Variants in SORCS3 observed in about 807,000 individuals in gnomAD.
SORCS3 encodes the protein sortilin related VPS10 domain containing receptor 3, also known as VPS10 domain-containing receptor SorCS3.
Under a neutral mutation model 146.3 loss-of-function variants are expected in SORCS3, and 57 were observed. That is an observed-to-expected ratio of 0.39 (90% confidence interval 0.31 to 0.49). SORCS3 has a LOEUF of 0.49. SORCS3 is among the 20% of genes least tolerant of loss of function. The pLI is 0.92. For synonymous variants in SORCS3, 653 were observed against 618.5 expected (o/e 1.06, Z -0.83); for missense variants, 1,341 against 1,575.5 (o/e 0.85, Z 2.52).
chr10:105,064,808 C>T (rs2055511862), intron 5 of SORCS3, among the ~76,000 whole-genome samples: 1 of 150,902 alleles, frequency 6.6e-6, no homozygotes, highest in Non-Finnish European at 1.5e-5. Flanking sequence ...TGAGTGATGC[C>T]TGCCCATAGT....
intron 1 of SORCS3, among the ~76,000 whole-genome samples, chr10:104,752,161 A>G (rs2016995980): frequency 6.6e-6 from 1 of 150,426 alleles, no homozygotes; most frequent in Non-Finnish European, 1.5e-5. Context: ...CAGCCTCCCC[A>G]GTAGCTGGGA....
intron 4 of SORCS3, among the ~76,000 whole-genome samples, chr10:105,017,015 A>G (rs1295463501): frequency 6.6e-6 from 1 of 152,232 alleles, no homozygotes; most frequent in Admixed American, 6.5e-5. Flanking sequence ...TTTAACAATG[A>G]CTTTGATGCA....
chr10:104,767,953 G>A (rs1039718762), intron 1 of SORCS3, among the ~76,000 whole-genome samples: 4 of 151,912 alleles, frequency 2.6e-5, no homozygotes, highest in Non-Finnish European at 2.9e-5. Flanking sequence ...ATTGCTCATC[G>A]TACTCCAGTA....
chr10:104,842,891 C>T (rs746816227), intron 2 of SORCS3, 32 bp downstream of exon 2: 2 of 1,568,662 alleles, frequency 1.3e-6, no homozygotes, highest in Non-Finnish European at 1.8e-6. Flanking sequence ...AAGGAGCCAC[C>T]CTGGCTTGGC....
rs1016462990 is a variant in SORCS3 at position 104,746,372 on chromosome 10, G to A, written c.628-96420G>A. On this transcript the variant is annotated intron_variant, in intron 1 of 26. Transcript: ENST00000369701. ...AGGATGGTCTCGATCTCCTGACCTC[G>A]TGATCCGCCCGCCTTGGCCTCCCAG... 4.4e-4 allele frequency among the ~76,000 whole-genome samples: 67 copies of A among 152,128 alleles called. 1 individual carries two copies. The highest frequency in any genetic ancestry group is 2.0e-4 in the Admixed American group (3 of 15,270).
chr10:105,000,208 T>C (rs1421083947), intron 4 of SORCS3, among the ~76,000 whole-genome samples: 1 of 152,170 alleles, frequency 6.6e-6, no homozygotes, highest in East Asian at 1.9e-4. Flanking sequence ...AACTATTAAG[T>C]ACCTAATCTA....
chr10:105,234,915 A>AT (rs959124451), intron 20 of SORCS3, among the ~76,000 whole-genome samples: 7 of 151,778 alleles, frequency 4.6e-5, no homozygotes, highest in Middle Eastern at 3.4e-3. Flanking sequence ...ATGCCTTGTA[A>AT]TTTTTTTCTT....
chr10:105,120,504 GCAA>G, intron 7 of SORCS3, among the ~76,000 whole-genome samples: 1 of 152,190 alleles, frequency 6.6e-6, no homozygotes, highest in Non-Finnish European at 1.5e-5. Context: ...GGAGGCTCTA[GCAA>G]GGGGTCGTTC....
chr10:105,173,266 C>T (rs1033173921), intron 13 of SORCS3, among the ~76,000 whole-genome samples: 3 of 151,908 alleles, frequency 2.0e-5, no homozygotes, highest in Non-Finnish European at 2.9e-5. Context: ...GAGCCGAGAT[C>T]GACTCACTGT....
intron 1 of SORCS3, among the ~76,000 whole-genome samples, chr10:104,643,714 G>GTA (rs1485899499): frequency 6.8e-6 from 1 of 146,840 alleles, no homozygotes; most frequent in African/African-American, 2.7e-5. Flanking sequence ...ATTAGGGTGT[G>GTA]TGTGTGTGTG....
At chr10:105,104,767 C>T (rs1364708426) in intron 6 of SORCS3, among the ~76,000 whole-genome samples, 1 of 152,160 alleles carries the variant, frequency 6.6e-6, no homozygotes, top group Non-Finnish European at 1.5e-5. Context: ...TTGGATCATA[C>T]TACACATGAT....
intron 7 of SORCS3, among the ~76,000 whole-genome samples, chr10:105,129,805 G>C (rs998012718): frequency 6.6e-6 from 1 of 152,038 alleles, no homozygotes; most frequent in African/African-American, 2.4e-5. Context: ...AAGTCTCGAA[G>C]CCATTAATGG....
intron 5 of SORCS3, among the ~76,000 whole-genome samples, chr10:105,075,543 G>A (rs2055583377): frequency 6.6e-6 from 1 of 152,020 alleles, no homozygotes; most frequent in Non-Finnish European, 1.5e-5. Context: ...TCTCCTAATG[G>A]GTGTGGTCCT....
At chr10:105,106,267 A>G (rs750929083) in intron 7 of SORCS3, among the ~76,000 whole-genome samples, 6 of 152,182 alleles carry the variant, frequency 3.9e-5, no homozygotes, top group Non-Finnish European at 7.3e-5. Flanking sequence ...CTATTCCCAC[A>G]GGAAAGTTGA....
chr10:104,903,441 A>C (rs777388027), intron 2 of SORCS3, among the ~76,000 whole-genome samples: 2 of 152,160 alleles, frequency 1.3e-5, no homozygotes, highest in Non-Finnish European at 2.9e-5. Context: ...AACAATAGAA[A>C]ACCAGAGAAA....
At chr10:104,690,869 T>A (rs991882545) in intron 1 of SORCS3, among the ~76,000 whole-genome samples, 9 of 152,180 alleles carry the variant, frequency 5.9e-5, no homozygotes, top group Non-Finnish European at 1.3e-4. Context: ...AGAGCCCCCA[T>A]GTGTGTTCAG....
chr10:105,197,624 T>C (rs192092353), intron 14 of SORCS3, among the ~76,000 whole-genome samples: 9 of 152,356 alleles, frequency 5.9e-5, no homozygotes, highest in Admixed American at 5.9e-4. Context: ...CTCCCTGAAG[T>C]GTTCACATTG....
chr10:104,904,907 C>T (rs1409159237), intron 2 of SORCS3, among the ~76,000 whole-genome samples: 1 of 151,872 alleles, frequency 6.6e-6, no homozygotes, highest in Non-Finnish European at 1.5e-5. Flanking sequence ...ACTGAGCCAG[C>T]CCATGTCATG....
At chr10:104,856,780 AATATATTAGTATATATAAAT>A (rs1209280269) in intron 2 of SORCS3, among the ~76,000 whole-genome samples, 1 of 145,118 alleles carries the variant, frequency 6.9e-6, no homozygotes, top group Non-Finnish European at 1.5e-5. Context: ...AATATATAAA[AATATATTAGTATATATAAAT>A]ATATATTAAT....
Sources: allele counts gnomAD v4.1 joint callset (sites outside exome capture counted in the v4.1 genomes callset), GRCh38; gene constraint gnomAD v4.1.1; transcripts MANE v1.5; gene names NCBI Gene and HGNC (gene_info 2026-07-23, HGNC 2026-07-21).